Variants in NFATC2 observed in about 807,000 individuals in gnomAD.
NFATC2 encodes nuclear factor of activated T-cells, cytoplasmic 2.
In NFATC2, 22 loss-of-function variants were observed where a neutral mutation model predicts 87.3. That is an observed-to-expected ratio of 0.25 (90% CI 0.18 to 0.36). NFATC2 has a LOEUF of 0.36. Among genes scored for constraint, NFATC2 ranks in the 10% least tolerant of loss-of-function variants. NFATC2 has a pLI of 1.00. For missense variants in NFATC2, 1,149 were observed against 1,259.1 expected (o/e 0.91, Z 1.32); for synonymous variants, 565 against 542.2 (o/e 1.04, Z -0.58).
intron 1 of NFATC2, among the ~76,000 whole-genome samples, chr20:51,554,504 G>A (rs762788654): frequency 6.6e-6 from 1 of 152,186 alleles, no homozygotes; most frequent in African/African-American, 2.4e-5. Context: ...TACTGAGCTG[G>A]AGGAAAGAAA....
chr20:51,498,425 G>A (rs745653263), intron 3 of NFATC2, among the ~76,000 whole-genome samples: 9 of 152,198 alleles, frequency 5.9e-5, no homozygotes, highest in Non-Finnish European at 1.0e-4. Flanking sequence ...GTGGCAGGGG[G>A]GTGGATGAGT....
chr20:51,456,584 C>T (rs1279072304), intron 5 of NFATC2, among the ~76,000 whole-genome samples: 1 of 152,218 alleles, frequency 6.6e-6, no homozygotes, highest in African/African-American at 2.4e-5. Context: ...GCCAGGGCCC[C>T]ACCTCCTCAG....
chr20:51,402,618 A>G (rs1988168930), intron 9 of NFATC2, among the ~76,000 whole-genome samples: 1 of 152,254 alleles, frequency 6.6e-6, no homozygotes, highest in Non-Finnish European at 1.5e-5. Flanking sequence ...TGGGGAAGAC[A>G]TATACCATAA....
rs2077038823 is a variant in NFATC2, at chr20:51,562,213, A to T, written c.70+347T>A. Among the ~76,000 whole-genome samples the T allele has an allele frequency of 6.6e-6, 1 of 152,244 alleles. No individual in the cohort carries two copies. The highest frequency in any genetic ancestry group is 2.4e-5 in the African/African-American group (1 of 41,472). ...TTATGGCATTTGCTGTCAAAAGCCG[A>T]GTGCTGAAACGGTTAAACAGCCAGC... On this transcript the variant is annotated intron_variant, in intron 1 of 10. Transcript: ENST00000414705. This position sits in a 1 kb window ranked among gnomAD's most constrained non-coding sequence, Gnocchi z 5.8.
chr20:51,395,844 A>T (rs906839315), intron 10 of NFATC2, among the ~76,000 whole-genome samples: 1 of 151,790 alleles, frequency 6.6e-6, no homozygotes, highest in Non-Finnish European at 1.5e-5. Context: ...GGGTCAACAA[A>T]CTTCTCCTGG....
chr20:51,497,737 A>C (rs2146611074), intron 3 of NFATC2, among the ~76,000 whole-genome samples: 1 of 152,238 alleles, frequency 6.6e-6, no homozygotes, highest in Non-Finnish European at 1.5e-5. Context: ...TGAGAACAGG[A>C]AGAAGATGGG....
At chr20:51,454,723 G>A in intron 5 of NFATC2, 35 bp from the exon 6 acceptor site, 1 of 1,609,616 alleles carries the variant, frequency 6.2e-7, no homozygotes, top group Non-Finnish European at 8.5e-7. Context: ...ACTGTGATAA[G>A]GGGAGATGTC....
intron 5 of NFATC2, among the ~76,000 whole-genome samples, chr20:51,462,074 C>T (rs1169610159): frequency 6.6e-6 from 1 of 151,422 alleles, no homozygotes; most frequent in Non-Finnish European, 1.5e-5. Flanking sequence ...GTTGAGATTG[C>T]ACCACTGCCC....
chr20:51,538,880 A>G (rs2076762597), intron 1 of NFATC2, among the ~76,000 whole-genome samples: 1 of 152,202 alleles, frequency 6.6e-6, no homozygotes, highest in Non-Finnish European at 1.5e-5. Context: ...CTTGTTGGTA[A>G]ACAAGGTTTT....
intron 6 of NFATC2, among the ~76,000 whole-genome samples, chr20:51,441,590 G>A (rs1036961740): frequency 2.7e-5 from 4 of 149,888 alleles, no homozygotes; most frequent in Admixed American, 6.7e-5. Context: ...GGTAGTGGGC[G>A]CCTGTAATCC....
At chr20:51,420,663 C>T (rs895113088) in intron 9 of NFATC2, among the ~76,000 whole-genome samples, 3 of 152,072 alleles carry the variant, frequency 2.0e-5, no homozygotes, top group African/African-American at 4.8e-5. Flanking sequence ...AAGGCATCTG[C>T]TTGCAACGCT....
intron 6 of NFATC2, among the ~76,000 whole-genome samples, chr20:51,441,794 T>C (rs867101397): frequency 6.6e-5 from 10 of 151,962 alleles, no homozygotes; most frequent in Middle Eastern, 3.2e-3. Flanking sequence ...AGACAGTGTA[T>C]GTGAAATGCT....
chr20:51,435,124 A>C, intron 8 of NFATC2, 64 bp downstream of exon 8: 1 of 1,585,480 alleles, frequency 6.3e-7, no homozygotes, highest in Non-Finnish European at 8.6e-7. Context: ...AGACTTCAGG[A>C]GTCCTGAGCC....
At chr20:51,450,506 C>T (rs1419030833) in intron 6 of NFATC2, among the ~76,000 whole-genome samples, 1 of 152,182 alleles carries the variant, frequency 6.6e-6, no homozygotes, top group East Asian at 1.9e-4. Context: ...TGAGACCCCA[C>T]TTCAAAAAAT....
chr20:51,391,818 A>AT (rs949168609), intron 10 of NFATC2, among the ~76,000 whole-genome samples: 4 of 151,488 alleles, frequency 2.6e-5, no homozygotes, highest in Non-Finnish European at 4.4e-5. Flanking sequence ...GCCCATCTCT[A>AT]TTTTTTTTAA....
intron 9 of NFATC2, among the ~76,000 whole-genome samples, chr20:51,401,887 A>G (rs982029128): frequency 6.6e-6 from 1 of 152,162 alleles, no homozygotes; most frequent in Non-Finnish European, 1.5e-5. Context: ...AAAAGTACAG[A>G]CCCAAGAATC....
chr20:51,399,232 T>C (rs1035352720), intron 9 of NFATC2: 3 of 153,552 alleles, frequency 2.0e-5, no homozygotes, highest in African/African-American at 7.2e-5. Flanking sequence ...TTTCTTCCTG[T>C]TTTTTGTCAA....
chr20:51,415,605 G>A (rs987712863), intron 9 of NFATC2, among the ~76,000 whole-genome samples: 4 of 152,162 alleles, frequency 2.6e-5, no homozygotes, highest in African/African-American at 9.7e-5. Flanking sequence ...CTGGCTCACA[G>A]CTGGGCCAGC....
chr20:51,468,434 G>A (rs1457884772), intron 5 of NFATC2, among the ~76,000 whole-genome samples: 3 of 152,188 alleles, frequency 2.0e-5, no homozygotes, highest in Non-Finnish European at 4.4e-5. Flanking sequence ...TGAGCAAAGC[G>A]AATTTACATT....
Sources: allele counts gnomAD v4.1 joint callset (sites outside exome capture counted in the v4.1 genomes callset), GRCh38; gene constraint gnomAD v4.1.1; non-coding constraint Gnocchi (gnomAD v3.1); transcripts MANE v1.5; gene names NCBI Gene and HGNC (gene_info 2026-07-23, HGNC 2026-07-21).